Variants in PLEKHG7 observed in about 807,000 individuals in gnomAD.
PLEKHG7 encodes pleckstrin homology domain-containing family G member 7.
PLEKHG7 carries 77 observed loss-of-function variants against 85.2 expected under a neutral mutation model. That is an observed-to-expected ratio of 0.90 (90% CI 0.75 to 1.09). PLEKHG7 has a LOEUF of 1.09. Ranked by LOEUF, PLEKHG7 falls within the 50% of genes least tolerant of loss-of-function variation. The probability of loss-of-function intolerance (pLI) is 0.00; values close to 1 mark genes in which losing one functional copy is unlikely to be tolerated. For missense variants in PLEKHG7, 777 were observed against 804.3 expected, an observed-to-expected ratio of 0.97 and a Z score of 0.41; for synonymous variants, 301 against 302.4, an observed-to-expected ratio of 1.00 and a Z score of 0.05.
chr12:92,722,312 CATGT>C (rs1288998772), intron 3 of PLEKHG7, among the ~76,000 whole-genome samples: 9 of 152,142 alleles, frequency 5.9e-5, no homozygotes, highest in Admixed American at 2.6e-4. Context: ...CGCACCAATC[CATGT>C]CTCTTCATGT....
chr12:92,763,973 A>G (rs1397468144), intron 14 of PLEKHG7, 68 bp from the exon 15 acceptor site: 6 of 1,361,986 alleles, frequency 4.4e-6, no homozygotes, highest in Non-Finnish European at 6.0e-6. Flanking sequence ...TTGCTTACAG[A>G]TGCACTTTAG....
At chr12:92,766,181 G>A (rs148242907) in intron 15 of PLEKHG7, among the ~76,000 whole-genome samples, 14 of 152,288 alleles carry the variant, frequency 9.2e-5, no homozygotes, top group African/African-American at 2.4e-4. Flanking sequence ...AGTATGTGGC[G>A]GCTGGAAATC....
At chr12:92,729,579 TAGAC>T (rs1168421271) in intron 4 of PLEKHG7, among the ~76,000 whole-genome samples, 2 of 151,904 alleles carry the variant, frequency 1.3e-5, no homozygotes, top group Non-Finnish European at 2.9e-5. Context: ...GAGTGTCTGA[TAGAC>T]AGGCAGCTTT....
Position 92,739,454 on chromosome 12 carries a change from G to A in PLEKHG7, c.940-1399G>A, listed in dbSNP as rs77797676. Among the ~76,000 whole-genome samples, 829 of 152,286 alleles carry A rather than the reference G, an allele frequency of 5.4e-3. 4 individuals are homozygous for A. The highest frequency in any genetic ancestry group is 0.018 in the African/African-American group (762 of 41,566). ...GGGGTGGTAACAATAAATGTTCACCGCAGAGAACGAAGCCCCTGAGTTATG... is the reference window on the plus strand; with the variant it reads ...GGGGTGGTAACAATAAATGTTCACCACAGAGAACGAAGCCCCTGAGTTATG... On this transcript the variant is annotated intron_variant, in intron 7 of 16. Transcript: ENST00000344636.
chr12:92,761,166 T>A (rs1044575192), intron 13 of PLEKHG7, among the ~76,000 whole-genome samples: 2 of 152,216 alleles, frequency 1.3e-5, no homozygotes, highest in Non-Finnish European at 2.9e-5. Context: ...CTTCAACATA[T>A]GAAATTTGAG....
chr12:92,748,200 G>T (rs1334118957), intron 10 of PLEKHG7, among the ~76,000 whole-genome samples: 1 of 151,012 alleles, frequency 6.6e-6, no homozygotes, highest in Non-Finnish European at 1.5e-5. Flanking sequence ...GACATCCAGG[G>T]ATATTTTGGG....
At chr12:92,703,429 C>T (rs1473242979) in intron 1 of PLEKHG7, among the ~76,000 whole-genome samples, 1 of 152,224 alleles carries the variant, frequency 6.6e-6, no homozygotes, top group African/African-American at 2.4e-5. Flanking sequence ...AATGGATTGA[C>T]TTGTTAACTT....
chr12:92,722,516 G>A (rs1219808302), intron 3 of PLEKHG7, among the ~76,000 whole-genome samples: 4 of 152,124 alleles, frequency 2.6e-5, no homozygotes, highest in South Asian at 2.1e-4. Flanking sequence ...TGAACACCAA[G>A]GCAAAAAGTC....
At chr12:92,709,223 G>A (rs1277828857) in intron 3 of PLEKHG7, among the ~76,000 whole-genome samples, 1 of 152,152 alleles carries the variant, frequency 6.6e-6, no homozygotes, top group Non-Finnish European at 1.5e-5. Flanking sequence ...AGGCAGTGGG[G>A]TTAAAAAGAA....
At chr12:92,729,695 C>T (rs1011433292) in intron 4 of PLEKHG7, among the ~76,000 whole-genome samples, 2 of 152,074 alleles carry the variant, frequency 1.3e-5, no homozygotes, top group African/African-American at 4.8e-5. Context: ...TAAATCAAAG[C>T]CTTTGAGAGC....
intron 3 of PLEKHG7, among the ~76,000 whole-genome samples, chr12:92,719,627 T>A (rs1276631946): frequency 6.6e-6 from 1 of 152,194 alleles, no homozygotes; most frequent in Non-Finnish European, 1.5e-5. Context: ...GACACACATA[T>A]CACTAAAGGG....
Position 92,770,367 on chromosome 12 carries a change from A to C in PLEKHG7, c.*172A>C, listed in dbSNP as rs898498251. 23 of 540,988 alleles carry C rather than the reference A, an allele frequency of 4.3e-5. 1 individual carries two copies. Among genetic ancestry groups the C allele is most frequent in the Non-Finnish European group, 7.4e-5 (23 of 309,920 alleles). 33.5% of individuals were successfully genotyped at this position (540,988 alleles called of 1,614,324 possible). ...AAATCCTCAGTATAGAGGAATAATGACTGCAACAAATTTGAACTCTGAGGA... is the reference window on the plus strand; with the variant it reads ...AAATCCTCAGTATAGAGGAATAATGCCTGCAACAAATTTGAACTCTGAGGA... On this transcript the variant is annotated 3_prime_UTR_variant, in exon 17 of 17. Transcript: ENST00000344636.
intron 4 of PLEKHG7, among the ~76,000 whole-genome samples, chr12:92,730,366 AG>A (rs1303103791): frequency 6.6e-6 from 1 of 152,234 alleles, no homozygotes; most frequent in Non-Finnish European, 1.5e-5. Flanking sequence ...CAACTACAAC[AG>A]TGGTTCTCAA....
chr12:92,722,021 T>C (rs977712062), intron 3 of PLEKHG7, among the ~76,000 whole-genome samples: 2 of 151,470 alleles, frequency 1.3e-5, no homozygotes, highest in Non-Finnish European at 2.9e-5. Flanking sequence ...CAGTGGATGG[T>C]CAATCCAGAA....
rs144346858 is a variant in PLEKHG7, at chr12:92,736,220, A to AT, written c.700-249dup. Among the ~76,000 whole-genome samples the AT allele has an allele frequency of 1.5e-3, 211 of 145,326 alleles. 1 individual carries two copies. Among genetic ancestry groups the AT allele is most frequent in the Admixed American group, 0.01 (149 of 14,504 alleles). ...GCTATATGACCATTCTGTGCCTAGG[A>AT]TTTTTTTTTTTTTAATTTGTAAAAT... On this transcript the variant is annotated intron_variant, in intron 5 of 16. Transcript: ENST00000344636.
At chr12:92,723,233 T>G (rs1359850240) in intron 3 of PLEKHG7, among the ~76,000 whole-genome samples, 13 of 152,118 alleles carry the variant, frequency 8.5e-5, no homozygotes, top group Admixed American at 8.5e-4. Context: ...TATATGTGGA[T>G]TGGGTTATTG....
intron 7 of PLEKHG7, among the ~76,000 whole-genome samples, chr12:92,740,608 A>T (rs1872325622): frequency 6.6e-6 from 1 of 152,200 alleles, no homozygotes; most frequent in South Asian, 2.1e-4. Flanking sequence ...TATGTTCAAT[A>T]GGAATGTTGT....
At chr12:92,718,712 T>C (rs1770949392) in intron 3 of PLEKHG7, among the ~76,000 whole-genome samples, 1 of 152,192 alleles carries the variant, frequency 6.6e-6, no homozygotes, top group Admixed American at 6.5e-5. Flanking sequence ...TACTTTGGGT[T>C]TGTGGGGATT....
rs551248942 is a variant in PLEKHG7 at position 92,761,638 on chromosome 12, GAA to G, written c.1637-112_1637-111del. On this transcript the variant is annotated intron_variant, in intron 13 of 16. Transcript: ENST00000344636. ...AAGAAAGAAAGAAGAAAGAAAGAAAGAAAGAAAGAAAGAAAGAAAGAAAGAAA... is the reference window on the plus strand; with the variant it reads ...AAGAAAGAAAGAAGAAAGAAAGAAAGAGAAAGAAAGAAAGAAAGAAAGAAA... The G allele has an allele frequency of 2.8e-4, 148 of 519,458 alleles. No individual in the cohort carries two copies. In the African/African-American group the frequency reaches 4.7e-3, roughly 17 times the overall value. 32.2% of individuals were successfully genotyped at this position (519,458 alleles called of 1,614,324 possible). A position where few individuals can be genotyped will look rare whatever the true frequency, so the allele number is the denominator to read the frequency against.
Sources: allele counts gnomAD v4.1 joint callset (sites outside exome capture counted in the v4.1 genomes callset), GRCh38; gene constraint gnomAD v4.1.1; transcripts MANE v1.5; gene names NCBI Gene and HGNC (gene_info 2026-07-23, HGNC 2026-07-21).